The following CELF2 variants were observed in gnomAD, a reference collection of about 807,000 sequenced individuals.
CELF2 encodes the protein CUGBP Elav-like family member 2, also known as CUG triplet repeat RNA-binding protein 2.
CELF2 carries 8 observed loss-of-function variants against 62.6 expected under a neutral mutation model. The ratio of observed to expected loss-of-function variants is 0.13; its 90% CI spans 0.07 to 0.23. CELF2 has a LOEUF of 0.23. Among genes scored for constraint, CELF2 ranks in the 10% least tolerant of loss-of-function variants. The pLI, the probability that CELF2 is intolerant of heterozygous loss-of-function variation, is 1.00. For synonymous variants in CELF2, 258 were observed against 250.0 expected (o/e 1.03, Z -0.30); for missense variants, 333 against 671.0 (o/e 0.50, Z 5.56).
At chr10:10,989,369 G>A (rs1289199019) in intron 2 of CELF2, among the ~76,000 whole-genome samples, 3 of 152,054 alleles carry the variant, frequency 2.0e-5, no homozygotes, top group East Asian at 3.8e-4. Flanking sequence ...AAGCAACATG[G>A]TACCAACCTA....
At chr10:11,043,036 A>G (rs183794130) in intron 1 of CELF2, among the ~76,000 whole-genome samples, 1 of 152,334 alleles carries the variant, frequency 6.6e-6, no homozygotes, top group East Asian at 1.9e-4. Flanking sequence ...GTATATGCCT[A>G]GGAGTGAAGT....
chr10:10,975,901 T>C (rs1231561378), intron 2 of CELF2, among the ~76,000 whole-genome samples: 2 of 152,208 alleles, frequency 1.3e-5, no homozygotes, highest in African/African-American at 4.8e-5. Context: ...TTGGCAATGG[T>C]ATTTATACTC....
the CELF2 span, among the ~76,000 whole-genome samples, chr10:10,607,516 T>C: frequency 3.3e-5 from 5 of 152,072 alleles, no homozygotes; most frequent in Non-Finnish European, 7.4e-5. Flanking sequence ...CATCCTGATT[T>C]CCCCCAAAAC....
At chr10:11,037,776 C>T (rs961182545) in intron 1 of CELF2, among the ~76,000 whole-genome samples, 2 of 152,188 alleles carry the variant, frequency 1.3e-5, no homozygotes, top group East Asian at 3.8e-4. Flanking sequence ...CTTTAGTCTC[C>T]ACTTTGAAAT....
intron 1 of CELF2, among the ~76,000 whole-genome samples, chr10:11,116,714 G>A (rs2056639062): frequency 6.6e-6 from 1 of 152,168 alleles, no homozygotes; most frequent in Non-Finnish European, 1.5e-5. Context: ...TGATGACATG[G>A]CCAAGAAAAT....
the CELF2 span, among the ~76,000 whole-genome samples, chr10:10,707,095 G>T: frequency 6.6e-6 from 1 of 152,148 alleles, no homozygotes; most frequent in African/African-American, 2.4e-5. Flanking sequence ...GCATTTGGGG[G>T]TTACTGGTTT....
chr10:10,706,266 T>C, the CELF2 span, among the ~76,000 whole-genome samples: 2,520 of 152,334 alleles, frequency 0.017, 34 homozygotes, highest in African/African-American at 0.037. Flanking sequence ...CCTCAAAGGA[T>C]AGACCCTTAT....
chr10:10,749,630 A>T, the CELF2 span, among the ~76,000 whole-genome samples: 1 of 152,216 alleles, frequency 6.6e-6, no homozygotes, highest in African/African-American at 2.4e-5. Flanking sequence ...ATGGCATAAG[A>T]TACTATTTTA....
At position 11,296,937 on chromosome 10, in the gene CELF2, A is replaced by G. The variant is rs1053794615; in HGVS notation, c.976+8385A>G. 2.6e-5 allele frequency among the ~76,000 whole-genome samples: 4 copies of G among 152,222 alleles called. No homozygotes were observed. Among genetic ancestry groups the G allele is most frequent in the African/African-American group, 9.6e-5 (4 of 41,460 alleles). On this transcript the variant is annotated intron_variant, in intron 9 of 12. Transcript: ENST00000633077. This position sits in a 1 kb window ranked among gnomAD's most constrained non-coding sequence, Gnocchi z 5.0. ...TTCATCTCACTTTTCACAAGCATGG[A>G]CATATGGAAAAGGATGCCCACCGGG...
intron 1 of CELF2, among the ~76,000 whole-genome samples, chr10:11,072,494 G>A (rs2070410891): frequency 6.6e-6 from 1 of 152,210 alleles, no homozygotes; most frequent in African/African-American, 2.4e-5. Context: ...GCTGGAGTGT[G>A]ACCACTTGCC....
intron 1 of CELF2, among the ~76,000 whole-genome samples, chr10:11,088,563 C>CTGG (rs2047434803): frequency 6.8e-6 from 1 of 147,276 alleles, no homozygotes; most frequent in African/African-American, 2.6e-5. Context: ...CCTAGCAGAG[C>CTGG]CGGATTTCTC....
At chr10:10,562,144 A>G in the CELF2 span, among the ~76,000 whole-genome samples, 1 of 152,188 alleles carries the variant, frequency 6.6e-6, no homozygotes, top group African/African-American at 2.4e-5. Flanking sequence ...AAGATTTTAG[A>G]ATTGCTGGAT....
intron 1 of CELF2, among the ~76,000 whole-genome samples, chr10:10,881,772 A>C (rs917389635): frequency 5.3e-5 from 8 of 152,118 alleles, no homozygotes; most frequent in African/African-American, 1.9e-4. Context: ...GTGGTACTTA[A>C]GAGCAAGTTG....
At chr10:10,599,239 T>G in the CELF2 span, among the ~76,000 whole-genome samples, 1 of 152,198 alleles carries the variant, frequency 6.6e-6, no homozygotes, top group Non-Finnish European at 1.5e-5. Flanking sequence ...AATTGAAATT[T>G]TGGCTCCACT....
At chr10:10,780,311 T>C in the CELF2 span, among the ~76,000 whole-genome samples, 1 of 152,172 alleles carries the variant, frequency 6.6e-6, no homozygotes. Context: ...TAAGAATTAA[T>C]GATTCCTGGA....
intron 1 of CELF2, among the ~76,000 whole-genome samples, chr10:10,835,525 G>A (rs2058217208): frequency 1.3e-5 from 2 of 152,150 alleles, no homozygotes; most frequent in Admixed American, 6.5e-5. Flanking sequence ...TGGGGCTACA[G>A]ATGCCCGAAA....
chr10:10,647,328 C>T, the CELF2 span, among the ~76,000 whole-genome samples: 1 of 152,122 alleles, frequency 6.6e-6, no homozygotes, highest in South Asian at 2.1e-4. Flanking sequence ...ACTGCCCGCC[C>T]GCTCCACATG....
the CELF2 span, among the ~76,000 whole-genome samples, chr10:10,687,329 A>T: frequency 6.6e-6 from 1 of 152,240 alleles, no homozygotes; most frequent in African/African-American, 2.4e-5. Context: ...GCTCTTTAAA[A>T]ATTTATTTCC....
At chr10:11,266,329 T>C (rs2138369139) in intron 5 of CELF2, among the ~76,000 whole-genome samples, 1 of 152,318 alleles carries the variant, frequency 6.6e-6, no homozygotes, top group East Asian at 1.9e-4. Context: ...CTAAAAACAG[T>C]ACCCAACTTC....
Sources: allele counts gnomAD v4.1 joint callset (sites outside exome capture counted in the v4.1 genomes callset), GRCh38; gene constraint gnomAD v4.1.1; non-coding constraint Gnocchi (gnomAD v3.1); transcripts MANE v1.5; gene names NCBI Gene and HGNC (gene_info 2026-07-23, HGNC 2026-07-21).